Variants in GNAO1 observed in about 807,000 individuals in gnomAD.
GNAO1 encodes guanine nucleotide-binding protein G(o) subunit alpha.
For missense variants in GNAO1, 166 were observed against 478.7 expected (o/e 0.35, Z 6.10); for synonymous variants, 164 against 180.7 (o/e 0.91, Z 0.74).
At chr16:56,230,348 C>T (rs1421442564) in intron 2 of GNAO1, among the ~76,000 whole-genome samples, 1 of 152,144 alleles carries the variant, frequency 6.6e-6, no homozygotes, top group Admixed American at 6.5e-5. Context: ...CATTCACCTC[C>T]AAGCCCCAGC....
chr16:56,237,428 A>G (rs2036648712), intron 2 of GNAO1, among the ~76,000 whole-genome samples: 1 of 152,194 alleles, frequency 6.6e-6, no homozygotes. Flanking sequence ...GCAATGCCAC[A>G]GGATGCCTGT....
At chr16:56,287,077 C>A (rs1057514444) in intron 3 of GNAO1, among the ~76,000 whole-genome samples, 7 of 152,342 alleles carry the variant, frequency 4.6e-5, no homozygotes, top group Admixed American at 1.3e-4. Context: ...ATGGCAGCCT[C>A]TCCCCTGAGG....
chr16:56,295,558 C>T (rs1596848136), intron 3 of GNAO1, among the ~76,000 whole-genome samples: 1 of 152,276 alleles, frequency 6.6e-6, no homozygotes, highest in East Asian at 1.9e-4. Flanking sequence ...TTCTCCCTTC[C>T]ACCTTTAAAT....
chr16:56,210,285 A>AT (rs1179401660), intron 2 of GNAO1, among the ~76,000 whole-genome samples: 5 of 152,210 alleles, frequency 3.3e-5, no homozygotes, highest in Non-Finnish European at 7.3e-5. Context: ...CACTGTCTGG[A>AT]TATACCACAG....
chr16:56,212,646 G>C (rs1241790477), intron 2 of GNAO1, among the ~76,000 whole-genome samples: 1 of 152,190 alleles, frequency 6.6e-6, no homozygotes, highest in Non-Finnish European at 1.5e-5. Context: ...TTAGTGCTTG[G>C]ACTTGTCTGC....
chr16:56,197,357 T>C (rs573925969), intron 2 of GNAO1, among the ~76,000 whole-genome samples: 5 of 152,362 alleles, frequency 3.3e-5, no homozygotes, highest in Middle Eastern at 3.4e-3. Context: ...CACCTTGCTC[T>C]CTGGAGACAG....
At chr16:56,348,411 G>A (rs576513163) in intron 6 of GNAO1, among the ~76,000 whole-genome samples, 6 of 152,302 alleles carry the variant, frequency 3.9e-5, no homozygotes, top group South Asian at 4.1e-4. Context: ...TCCGTTCTGC[G>A]CCGAGCCACC....
chr16:56,335,487 G>A (rs540016781), intron 5 of GNAO1, among the ~76,000 whole-genome samples: 64 of 152,348 alleles, frequency 4.2e-4, no homozygotes, highest in Middle Eastern at 3.4e-3. Flanking sequence ...GCTCCGTCCT[G>A]TGGGGAAGAG....
At chr16:56,229,325 C>G (rs1376375671) in intron 2 of GNAO1, among the ~76,000 whole-genome samples, 2 of 152,178 alleles carry the variant, frequency 1.3e-5, no homozygotes, top group African/African-American at 4.8e-5. Context: ...GTGCCTCAGC[C>G]TCCTGAGTAG....
intron 2 of GNAO1, among the ~76,000 whole-genome samples, chr16:56,243,099 C>T (rs2143432909): frequency 6.6e-6 from 1 of 151,566 alleles, no homozygotes; most frequent in Non-Finnish European, 1.5e-5. Flanking sequence ...CTGTCACTGT[C>T]TCCCATCACC....
intron 3 of GNAO1, among the ~76,000 whole-genome samples, chr16:56,298,740 A>G (rs1364714577): frequency 2.6e-5 from 4 of 151,888 alleles, no homozygotes; most frequent in African/African-American, 4.8e-5. Flanking sequence ...GTGAAACCCC[A>G]TGTCTACTAA....
intron 3 of GNAO1, among the ~76,000 whole-genome samples, chr16:56,299,367 T>A (rs2037319391): frequency 6.6e-6 from 1 of 152,262 alleles, no homozygotes; most frequent in Admixed American, 6.5e-5. Flanking sequence ...TGGGGCCTGC[T>A]TCCTCCGATC....
At chr16:56,346,602 C>G in intron 6 of GNAO1, 2 of 985,412 alleles carry the variant, frequency 2.0e-6, no homozygotes, top group South Asian at 4.7e-5. Flanking sequence ...CTGCCCAGCC[C>G]CAAGCAGAGA....
intron 3 of GNAO1, among the ~76,000 whole-genome samples, chr16:56,280,103 G>C (rs2037100529): frequency 6.6e-6 from 1 of 152,232 alleles, no homozygotes; most frequent in African/African-American, 2.4e-5. Context: ...CTGGTACTAA[G>C]CCACGTGTGA....
At chr16:56,329,819 C>G (rs567891337) in intron 4 of GNAO1, among the ~76,000 whole-genome samples, 1 of 152,068 alleles carries the variant, frequency 6.6e-6, no homozygotes, top group Non-Finnish European at 1.5e-5. Context: ...TCAGCAACAT[C>G]GGGAGACATT....
At chr16:56,304,966 G>C (rs2037379662) in intron 3 of GNAO1, among the ~76,000 whole-genome samples, 1 of 152,242 alleles carries the variant, frequency 6.6e-6, no homozygotes, top group African/African-American at 2.4e-5. Flanking sequence ...ATCCAGGACA[G>C]GTAGGGTTAG....
rs558217548 is a variant in GNAO1 at position 56,256,112 on chromosome 16, T to C, written c.162-19819T>C. On this transcript the variant is annotated intron_variant, in intron 2 of 8. Transcript: ENST00000262493. ...CATGTTGTGAGTGTTCTTTGTTCTT[T>C]GTACCTCTGGTTATGGAGCCCAGAG... is the stretch of plus-strand genomic sequence containing the variant. Among the ~76,000 whole-genome samples, 3 of 152,304 alleles carry C rather than the reference T, an allele frequency of 2.0e-5. No homozygotes were observed. In the South Asian group the frequency reaches 6.2e-4, roughly 32 times the overall value.
At chr16:56,199,508 A>G (rs2036263035) in intron 2 of GNAO1, among the ~76,000 whole-genome samples, 1 of 152,230 alleles carries the variant, frequency 6.6e-6, no homozygotes, top group Non-Finnish European at 1.5e-5. Flanking sequence ...TGCCTGGGTT[A>G]AGGTGCCTAA....
rs1008322185 is a variant in GNAO1, at chr16:56,311,947, G to A, written c.304-16684G>A. Among the ~76,000 whole-genome samples, 25 of 152,168 alleles carry A rather than the reference G, an allele frequency of 1.6e-4. 1 individual carries two copies. The highest frequency in any genetic ancestry group is 6.5e-5 in the Admixed American group (1 of 15,288). On this transcript the variant is annotated intron_variant, in intron 3 of 8. Transcript: ENST00000262493. This position sits in a 1 kb window ranked among gnomAD's most constrained non-coding sequence, Gnocchi z 5.2. ...CTACCAGCATCAACACGGTAATGCCGGTTCCCCTGGGTGGGCACCAGCCAA... is the reference window on the plus strand; with the variant it reads ...CTACCAGCATCAACACGGTAATGCCAGTTCCCCTGGGTGGGCACCAGCCAA...
Sources: gnomAD v4.1 joint callset for allele counts (sites outside exome capture counted in the v4.1 genomes callset) on GRCh38, gnomAD v4.1.1 for gene constraint, Gnocchi (gnomAD v3.1) non-coding constraint, MANE v1.5 for transcripts, NCBI Gene and HGNC (gene_info 2026-07-23, HGNC 2026-07-21) for gene names.